Variants in CPS1 observed in about 807,000 individuals in gnomAD.
The protein encoded by CPS1 is carbamoyl-phosphate synthase 1, also known as carbamoyl-phosphate synthase [ammonia], mitochondrial.
Under a neutral mutation model 174.6 loss-of-function variants are expected in CPS1, and 109 were observed. That is an observed-to-expected ratio of 0.62 (90% confidence interval 0.53 to 0.73). The LOEUF is 0.73. Ranked by LOEUF, CPS1 falls within the 30% of genes least tolerant of loss-of-function variation. CPS1 has a pLI of 0.00. For synonymous variants in CPS1, 637 were observed against 632.0 expected (o/e 1.01, Z -0.12); for missense variants, 1,689 against 1,821.9 (o/e 0.93, Z 1.33).
At position 210,647,685 on chromosome 2, in the gene CPS1, C is replaced by G. The variant is rs552378716; in HGVS notation, c.3142-178C>G. On this transcript the variant is annotated intron_variant, in intron 25 of 37. Transcript: ENST00000233072. ...GGAAATCTTGCACAGATTTTAGCAT[C>G]TAAGTGCCAGAAAGTAAAAATTTTG... Among the ~76,000 whole-genome samples, 17 of 152,270 alleles carry G rather than the reference C, an allele frequency of 1.1e-4. No individual in the cohort carries two copies. In the South Asian group the frequency reaches 3.3e-3, roughly 30 times the overall value.
chr2:210,632,561 G>C (rs1699901334), intron 21 of CPS1, among the ~76,000 whole-genome samples: 1 of 152,220 alleles, frequency 6.6e-6, no homozygotes, highest in Non-Finnish European at 1.5e-5. Context: ...GGAGAGGAAA[G>C]GTGAGGACAA....
chr2:210,610,674 G>A (rs1311520962), intron 19 of CPS1, among the ~76,000 whole-genome samples: 2 of 151,840 alleles, frequency 1.3e-5, no homozygotes, highest in African/African-American at 4.8e-5. Flanking sequence ...AGGACGACTT[G>A]AGCCCAGGGG....
At chr2:210,502,335 C>T (rs1695160479) in intron 1 of CPS1, among the ~76,000 whole-genome samples, 1 of 149,780 alleles carries the variant, frequency 6.7e-6, no homozygotes, top group African/African-American at 2.5e-5. Context: ...GCTTCTAATC[C>T]ACCATCTTGG....
intron 1 of CPS1, among the ~76,000 whole-genome samples, chr2:210,511,275 G>T (rs1048916588): frequency 3.3e-5 from 5 of 151,770 alleles, no homozygotes; most frequent in African/African-American, 1.2e-4. Context: ...GCAAACCATC[G>T]CAAGGAGAAA....
intron 1 of CPS1, among the ~76,000 whole-genome samples, chr2:210,571,413 C>G (rs1697479140): frequency 6.6e-6 from 1 of 151,848 alleles, no homozygotes; most frequent in South Asian, 2.1e-4. Flanking sequence ...GTACATTGTT[C>G]AATCTTTCTC....
At chr2:210,542,965 C>A (rs1234445003) in intron 1 of CPS1, among the ~76,000 whole-genome samples, 3 of 152,104 alleles carry the variant, frequency 2.0e-5, no homozygotes, top group Non-Finnish European at 2.9e-5. Context: ...AGCAACATGG[C>A]AGAGTTGTTC....
chr2:210,492,448 G>T (rs541881484), intron 1 of CPS1, among the ~76,000 whole-genome samples: 2 of 152,302 alleles, frequency 1.3e-5, no homozygotes, highest in Admixed American at 1.3e-4. Flanking sequence ...TTGATCATCT[G>T]CAGAAAATAA....
At chr2:210,479,868 A>G (rs942575033) in intron 1 of CPS1, among the ~76,000 whole-genome samples, 1 of 152,174 alleles carries the variant, frequency 6.6e-6, no homozygotes, top group Middle Eastern at 3.2e-3. Context: ...ACTTTCAGGA[A>G]ATAATCATTG....
intron 33 of CPS1, among the ~76,000 whole-genome samples, chr2:210,666,437 T>C (rs1701099667): frequency 6.6e-6 from 1 of 151,862 alleles, no homozygotes; most frequent in South Asian, 2.1e-4. Flanking sequence ...CTAGGTTTTC[T>C]TCTAGGGTTT....
intron 3 of CPS1, 152 bp downstream of exon 3, chr2:210,576,642 A>G (rs1697722544): frequency 1.2e-6 from 1 of 865,540 alleles, no homozygotes. Context: ...GTACATGAGA[A>G]TAATCTTTAA....
At chr2:210,598,648 C>A (rs1698589987) in intron 13 of CPS1, among the ~76,000 whole-genome samples, 1 of 151,820 alleles carries the variant, frequency 6.6e-6, no homozygotes, top group Admixed American at 6.6e-5. Context: ...GGGTTCAATT[C>A]AAGAAGAAGA....
intron 1 of CPS1, among the ~76,000 whole-genome samples, chr2:210,517,486 A>G (rs1695712910): frequency 6.6e-6 from 1 of 151,956 alleles, no homozygotes; most frequent in Non-Finnish European, 1.5e-5. Flanking sequence ...TAGATGTGTG[A>G]ATTGCAATTG....
intron 21 of CPS1, among the ~76,000 whole-genome samples, chr2:210,624,484 T>A (rs543013259): frequency 3.2e-4 from 48 of 152,196 alleles, no homozygotes; most frequent in African/African-American, 1.1e-3. Context: ...TATTTCTTTG[T>A]AAGAGAAGAG....
intron 7 of CPS1, among the ~76,000 whole-genome samples, chr2:210,588,723 C>T (rs957043699): frequency 2.6e-5 from 4 of 151,998 alleles, no homozygotes; most frequent in African/African-American, 9.7e-5. Flanking sequence ...ACACATCTCC[C>T]CTCCATACAC....
chr2:210,644,912 C>T (rs1324875152), intron 25 of CPS1, among the ~76,000 whole-genome samples: 1 of 148,902 alleles, frequency 6.7e-6, no homozygotes, highest in South Asian at 2.1e-4. Context: ...ATTTTGGGAG[C>T]TTAATGGAAT....
intron 5 of CPS1, among the ~76,000 whole-genome samples, chr2:210,580,879 C>T (rs952671684): frequency 6.9e-6 from 1 of 145,876 alleles, no homozygotes; most frequent in Admixed American, 6.9e-5. Flanking sequence ...AAAAAAAGTA[C>T]ATATGGGAAA....
chr2:210,564,634 C>G (rs973860359), intron 1 of CPS1, among the ~76,000 whole-genome samples: 1 of 152,174 alleles, frequency 6.6e-6, no homozygotes, highest in Non-Finnish European at 1.5e-5. Context: ...CCTCGGCCTC[C>G]CAAAGTGCTG....
rs542104173 is a variant in CPS1, at chr2:210,561,145, A to G, written c.126+4286A>G. 3.3e-5 allele frequency among the ~76,000 whole-genome samples: 5 copies of G among 152,288 alleles called. No individual in the cohort carries two copies. The East Asian group carries it at 9.6e-4, about 29-fold the overall frequency. ...TAGTCACCAACAACGCCTTGACATT[A>G]TGAGCTTCTTGACATAAAACTCTTG... On this transcript the variant is annotated intron_variant, in intron 1 of 37. Coordinates refer to ENST00000233072, the MANE Select transcript of CPS1 (RefSeq NM_001875.5).
Position 210,678,297 on chromosome 2 carries a change from G to T in CPS1, c.*312G>T. The T allele has an allele frequency of 2.5e-6, 1 of 396,148 alleles. No homozygotes were observed. Among genetic ancestry groups the T allele is most frequent in the South Asian group, 2.3e-5 (1 of 43,004 alleles). 24.5% of individuals were successfully genotyped at this position (396,148 alleles called of 1,614,324 possible). Reference sequence around the variant, plus strand: ...TATGGTGCTGATTAATGGTGATCAAGGTAGGAAAAGTTGCTGTTCTATTTT... The same window carrying T: ...TATGGTGCTGATTAATGGTGATCAATGTAGGAAAAGTTGCTGTTCTATTTT... On this transcript the variant is annotated 3_prime_UTR_variant, in exon 38 of 38. Transcript: ENST00000233072.
Sources: gnomAD v4.1 joint callset for allele counts (sites outside exome capture counted in the v4.1 genomes callset) on GRCh38, gnomAD v4.1.1 for gene constraint, MANE v1.5 for transcripts, NCBI Gene and HGNC (gene_info 2026-07-23, HGNC 2026-07-21) for gene names.